The following CEP295 variants were observed in gnomAD, a reference collection of about 807,000 sequenced individuals.
CEP295 encodes the protein centrosomal protein of 295 kDa.
In CEP295, 190 loss-of-function variants were observed where a neutral mutation model predicts 291.6. That is an observed-to-expected ratio of 0.65 (90% CI 0.58 to 0.73). The LOEUF is 0.73. Among genes scored for constraint, CEP295 ranks in the 30% least tolerant of loss-of-function variants. CEP295 has a pLI of 0.00. For synonymous variants in CEP295, 993 were observed against 1,038.8 expected (o/e 0.96, Z 0.85); for missense variants, 2,863 against 2,949.4 (o/e 0.97, Z 0.68).
rs1276323259 is a variant in CEP295, at chr11:93,724,338, C to T, written c.6281C>T (p.Ser2094Phe). 1.9e-6 allele frequency: 3 copies of T among 1,549,936 alleles called. No homozygotes were observed. The highest frequency in any genetic ancestry group is 2.6e-6 in the Non-Finnish European group (3 of 1,145,472). ...PHPDFDLSSSSSGISPDNRDF... is the reference protein window; with the variant it reads ...PHPDFDLSSSFSGISPDNRDF... Reference sequence around the variant, plus strand: ...CCAGATTTTGACTTATCATCATCATCCTCTGGGATTTCTCCAGACAACAGA... The same window carrying T: ...CCAGATTTTGACTTATCATCATCATTCTCTGGGATTTCTCCAGACAACAGA... Residue 2094 changes from serine (S) to phenylalanine (F), a missense_variant, in exon 22 of 30, where the codon TCC becomes TTC. Ser to Phe is a radical substitution (Grantham distance 155). This residue lies in a region of CEP295 where 2,295 missense variants were observed against 2,335.7 expected (regional missense o/e 0.98). Coordinates refer to ENST00000325212, the MANE Select transcript of CEP295 (RefSeq NM_033395.2).
chr11:93,728,951 A>G, intron 25 of CEP295, 130 bp downstream of exon 25: 1 of 728,732 alleles, frequency 1.4e-6, no homozygotes, highest in Non-Finnish European at 2.1e-6. Flanking sequence ...CACCCCCACC[A>G]GCTCTCAATT....
chr11:93,666,599 AAAAC>A (rs1389312586), intron 1 of CEP295, 79 bp from the exon 2 acceptor site: 13 of 613,852 alleles, frequency 2.1e-5, no homozygotes, highest in African/African-American at 3.7e-5. Flanking sequence ...GTCTCAAAAA[AAAAC>A]AAACAAAATT....
chr11:93,724,162 GTTC>G (rs1565219510), intron 21 of CEP295, 89 bp from the exon 22 acceptor site: 1 of 1,202,160 alleles, frequency 8.3e-7, no homozygotes, highest in Non-Finnish European at 1.2e-6. Flanking sequence ...TTATGAATAT[GTTC>G]TTAATACTCC....
At chr11:93,715,693 C>G (rs1953195260) in intron 18 of CEP295, among the ~76,000 whole-genome samples, 1 of 152,012 alleles carries the variant, frequency 6.6e-6, no homozygotes, top group Non-Finnish European at 1.5e-5. Context: ...CTTTAATCAG[C>G]AGGTGATGAA....
chr11:93,675,461 T>C, intron 5 of CEP295, 110 bp from the exon 6 acceptor site: 1 of 526,998 alleles, frequency 1.9e-6, no homozygotes, highest in Non-Finnish European at 3.3e-6. Flanking sequence ...ATTTAGCATG[T>C]TTTGGATGCG....
At chr11:93,681,974 A>C (rs1950997197) in intron 7 of CEP295, among the ~76,000 whole-genome samples, 1 of 152,012 alleles carries the variant, frequency 6.6e-6, no homozygotes, top group South Asian at 2.1e-4. Context: ...AGCTCAGTAA[A>C]TGTTAGTGGT....
chr11:93,687,661 AC>A lies in CEP295; in HGVS notation c.1135del (p.Gln379AsnfsTer13). The A allele has an allele frequency of 1.3e-6, 2 of 1,524,764 alleles. No homozygotes were observed. Among genetic ancestry groups the A allele is most frequent in the Non-Finnish European group, 1.8e-6 (2 of 1,127,684 alleles). 94.5% of individuals were successfully genotyped at this position (1,524,764 alleles called of 1,614,324 possible). ...TCTTTTAGTTCCCTTGGTAATGAAG[AC>A]CCAACAGATTCCTTCAAAAGTTCTT... ...SETDVPLVMK[T>X]QQIPSKVLFK... On this transcript the variant is annotated frameshift_variant, in exon 10 of 30. Coordinates refer to ENST00000325212, the MANE Select transcript of CEP295 (RefSeq NM_033395.2). LOFTEE classifies it high-confidence loss of function.
At chr11:93,721,170 A>G in intron 18 of CEP295, 142 bp from the exon 19 acceptor site, 2 of 606,412 alleles carry the variant, frequency 3.3e-6, no homozygotes, top group Non-Finnish European at 5.9e-6. Context: ...TCTTTGATCT[A>G]AGACAAGACA....
At chr11:93,703,282 T>G (rs2135157187) in intron 17 of CEP295, among the ~76,000 whole-genome samples, 2 of 151,424 alleles carry the variant, frequency 1.3e-5, no homozygotes, top group East Asian at 3.9e-4. Flanking sequence ...TTCAGAGTGC[T>G]AAATGTTTTT....
chr11:93,685,700 C>CTTTGTTTGTTTGTTTG (rs55948111), intron 9 of CEP295, among the ~76,000 whole-genome samples: 65 of 150,692 alleles, frequency 4.3e-4, no homozygotes, highest in African/African-American at 1.5e-3. Flanking sequence ...TCAGCTGTGT[C>CTTTGTTTGTTTGTTTG]TTTGTTTGTT....
intron 15 of CEP295, among the ~76,000 whole-genome samples, chr11:93,700,757 T>A (rs143624335): frequency 6.6e-6 from 1 of 152,200 alleles, no homozygotes; most frequent in Admixed American, 6.5e-5. Context: ...TAGAGTTTTG[T>A]TTTAATGTAT....
chr11:93,682,410 G>A (rs991481265), intron 7 of CEP295, among the ~76,000 whole-genome samples: 2 of 152,186 alleles, frequency 1.3e-5, no homozygotes, highest in African/African-American at 4.8e-5. Context: ...TTTTAGTAGA[G>A]ACGGGATTTC....
chr11:93,664,692 G>A, intron 1 of CEP295, among the ~76,000 whole-genome samples: 1 of 152,164 alleles, frequency 6.6e-6, no homozygotes, highest in East Asian at 1.9e-4. Context: ...ACATAAAATG[G>A]TGAATAAGTC....
intron 12 of CEP295, among the ~76,000 whole-genome samples, chr11:93,693,504 C>G (rs1951693639): frequency 6.6e-6 from 1 of 152,116 alleles, no homozygotes; most frequent in Non-Finnish European, 1.5e-5. Flanking sequence ...ATCTGTCATC[C>G]CAGTACTTTG....
chr11:93,705,316 T>C (rs759171356), intron 17 of CEP295, among the ~76,000 whole-genome samples: 1 of 152,140 alleles, frequency 6.6e-6, no homozygotes, highest in Non-Finnish European at 1.5e-5. Context: ...TAAATAGATA[T>C]ACAGTATATT....
At chr11:93,727,698 T>C (rs1158529307) in intron 24 of CEP295, 61 bp downstream of exon 24, 9 of 1,336,242 alleles carry the variant, frequency 6.7e-6, no homozygotes, top group Non-Finnish European at 9.0e-6. Context: ...AAAACTTTTT[T>C]CTTCTAAAAT....
rs1008712125 is a variant in CEP295 at position 93,691,782 on chromosome 11, C to T, written c.1429+7C>T. On this transcript the variant is annotated splice_region_variant and intron_variant, in intron 11 of 29. Transcript: ENST00000325212. ...AACTCTGGAAAAGAACAAGGTATTT[C>T]TTTTTATCACATCCTCAAATTAAAT... 3 of 1,498,102 alleles carry T rather than the reference C, an allele frequency of 2.0e-6. No homozygotes were observed. The African/African-American group carries it at 4.2e-5, about 21-fold the overall frequency. 92.8% of individuals were successfully genotyped at this position (1,498,102 alleles called of 1,614,324 possible). A position where few individuals can be genotyped will look rare whatever the true frequency, so the allele number is the denominator to read the frequency against.
chr11:93,695,429 G>A, intron 12 of CEP295, 68 bp from the exon 13 acceptor site: 1 of 1,059,732 alleles, frequency 9.4e-7, no homozygotes, highest in Non-Finnish European at 1.3e-6. Context: ...TCTTTTAAAT[G>A]GAACGTGTGT....
At chr11:93,669,905 A>G (rs1048708076) in intron 5 of CEP295, 135 bp downstream of exon 5, 4 of 566,066 alleles carry the variant, frequency 7.1e-6, no homozygotes, top group Non-Finnish European at 1.3e-5. Flanking sequence ...ACAGGAGTAT[A>G]TCTGGAGTAT....
Sources: gnomAD v4.1 joint callset for allele counts (sites outside exome capture counted in the v4.1 genomes callset) on GRCh38, gnomAD v4.1.1 for gene constraint, gnomAD v4.1.1 regional missense constraint, MANE v1.5 for transcripts, NCBI Gene and HGNC (gene_info 2026-07-23, HGNC 2026-07-21) for gene names.